Variants in RSRC1 observed in about 807,000 individuals in gnomAD.
RSRC1 encodes the protein arginine and serine rich coiled-coil 1.
RSRC1 carries 39 observed loss-of-function variants against 49.1 expected under a neutral mutation model. The observed-to-expected ratio is 0.79, with a 90% CI of 0.61 to 1.04. The LOEUF is 1.04. Ranked by LOEUF, RSRC1 falls within the 50% of genes least tolerant of loss-of-function variation. The pLI is 0.00. For missense variants in RSRC1, 388 were observed against 402.4 expected (o/e 0.96, Z 0.31); for synonymous variants, 143 against 130.8 (o/e 1.09, Z -0.63).
intron 5 of RSRC1, among the ~76,000 whole-genome samples, chr3:158,345,718 AGATCAATG>A (rs1329427738): frequency 6.6e-6 from 1 of 151,666 alleles, no homozygotes; most frequent in Non-Finnish European, 1.5e-5. Context: ...ATTGACAAAT[AGATCAATG>A]GATCATAATT....
intron 4 of RSRC1, among the ~76,000 whole-genome samples, chr3:158,289,794 G>T (rs1476911282): frequency 2.0e-5 from 3 of 152,152 alleles, no homozygotes; most frequent in Non-Finnish European, 4.4e-5. Context: ...TGCAAAAATA[G>T]AAATTATTTT....
chr3:158,449,443 G>A (rs1323992046), intron 6 of RSRC1, among the ~76,000 whole-genome samples: 1 of 151,868 alleles, frequency 6.6e-6, no homozygotes, highest in African/African-American at 2.4e-5. Context: ...TCTCTTTACT[G>A]CAGAATGTCT....
At chr3:158,420,280 T>C (rs1437655121) in intron 6 of RSRC1, among the ~76,000 whole-genome samples, 1 of 151,992 alleles carries the variant, frequency 6.6e-6, no homozygotes, top group Non-Finnish European at 1.5e-5. Context: ...TGTGGCACTC[T>C]TAATGAATAA....
chr3:158,235,853 C>A (rs1723211792), intron 4 of RSRC1, among the ~76,000 whole-genome samples: 1 of 152,194 alleles, frequency 6.6e-6, no homozygotes, highest in Non-Finnish European at 1.5e-5. Flanking sequence ...GGCGGTGGCT[C>A]ATGCCTATCA....
intron 6 of RSRC1, among the ~76,000 whole-genome samples, chr3:158,402,986 T>A (rs924895540): frequency 1.1e-5 from 1 of 94,116 alleles, no homozygotes; most frequent in South Asian, 4.0e-4. Context: ...TATAACAAAA[T>A]AAAACCTAAA....
intron 3 of RSRC1, among the ~76,000 whole-genome samples, chr3:158,194,739 A>G (rs1292013240): frequency 3.4e-5 from 5 of 144,992 alleles, no homozygotes; most frequent in African/African-American, 1.0e-4. Context: ...GAGTAAGAAC[A>G]TGTGCTGTTT....
At chr3:158,436,656 C>T (rs538291328) in intron 6 of RSRC1, among the ~76,000 whole-genome samples, 5 of 151,674 alleles carry the variant, frequency 3.3e-5, no homozygotes, top group Non-Finnish European at 7.4e-5. Flanking sequence ...TTTAAGTGTA[C>T]AAATTATATC....
chr3:158,465,503 AAGG>A (rs1351785377), intron 7 of RSRC1, among the ~76,000 whole-genome samples: 7 of 152,144 alleles, frequency 4.6e-5, no homozygotes, highest in Non-Finnish European at 8.8e-5. Flanking sequence ...GTGAAGTTGA[AAGG>A]AGAAGTTAGC....
intron 6 of RSRC1, among the ~76,000 whole-genome samples, chr3:158,393,273 C>T (rs961305279): frequency 2.6e-5 from 4 of 151,590 alleles, no homozygotes; most frequent in South Asian, 2.1e-4. Flanking sequence ...AAAACAAGAG[C>T]GAATCAATCC....
In RSRC1 at chr3:158,255,500, AT is replaced by A. The variant is rs1361339957; in HGVS notation, c.495-42538del. On this transcript the variant is annotated intron_variant, in intron 4 of 9. Transcript: ENST00000611884. ...GTATAGTTTGAAGTCAGGTAGCATG[AT>A]GCCTCCAGCTTTGTTCTTTTGGCTT... Among the ~76,000 whole-genome samples, 4 of 152,172 alleles carry A rather than the reference AT, an allele frequency of 2.6e-5. 1 individual carries two copies. Among genetic ancestry groups the A allele is most frequent in the African/African-American group, 9.7e-5 (4 of 41,442 alleles).
At position 158,354,848 on chromosome 3, in the gene RSRC1, C is replaced by CT; in HGVS notation, c.532-3dup. 6.9e-7 allele frequency: 1 copy of CT among 1,454,578 alleles called. No individual in the cohort carries two copies. Among genetic ancestry groups the CT allele is most frequent in the East Asian group, 2.7e-5 (1 of 36,944 alleles). The allele number at this position is 1,454,578 out of a possible 1,614,324, so 90.1% of individuals were successfully genotyped here. A position where few individuals can be genotyped will look rare whatever the true frequency, so the allele number is the denominator to read the frequency against. On this transcript the variant is annotated splice_polypyrimidine_tract_variant and intron_variant, in intron 5 of 9. Transcript: ENST00000611884. ...TGTATGGTTGAATTTTTTTTTTTTT[C>CT]TTTTTTAGCCACCAGCTGAACAGGC...
chr3:158,345,978 A>G (rs528788289), intron 5 of RSRC1, among the ~76,000 whole-genome samples: 1 of 152,088 alleles, frequency 6.6e-6, no homozygotes, highest in East Asian at 1.9e-4. Context: ...TACCCAAATA[A>G]AAAAGGTTTT....
chr3:158,496,790 G>GT, intron 7 of RSRC1: 2 of 241,724 alleles, frequency 8.3e-6, no homozygotes, highest in Admixed American at 7.4e-5. Context: ...GTTGATGACC[G>GT]TAAGAAACTA....
chr3:158,542,417 C>T lies in RSRC1; in HGVS notation c.760-918C>T, dbSNP rs138590360. Among the ~76,000 whole-genome samples, 398 of 152,268 alleles carry T rather than the reference C, an allele frequency of 2.6e-3. 1 individual carries two copies. Among genetic ancestry groups the T allele is most frequent in the African/African-American group, 9.3e-3 (385 of 41,526 alleles). On this transcript the variant is annotated intron_variant, in intron 8 of 9. Transcript: ENST00000611884. ...GTGCATGGTGGTGTGCACCTGTAAT[C>T]CCAGATACTCGGGAGGCTGAAGCAG...
At chr3:158,246,404 A>C (rs1245049714) in intron 4 of RSRC1, among the ~76,000 whole-genome samples, 1 of 151,944 alleles carries the variant, frequency 6.6e-6, no homozygotes, top group Non-Finnish European at 1.5e-5. Context: ...TAATAAAAAA[A>C]AAAAGGATAG....
chr3:158,519,969 A>G (rs753609552), intron 7 of RSRC1, among the ~76,000 whole-genome samples: 1 of 152,136 alleles, frequency 6.6e-6, no homozygotes, highest in Non-Finnish European at 1.5e-5. Flanking sequence ...CCAGAAGTGT[A>G]TGATGTCATG....
At position 158,414,121 on chromosome 3, in the gene RSRC1, T is replaced by G. The variant is rs539767813; in HGVS notation, c.584-46814T>G. On this transcript the variant is annotated intron_variant, in intron 6 of 9. Transcript: ENST00000611884. ...CACATGTATGTTCATGGCAGCACTA[T>G]TCACTGTAGCAAAGACATGGAATCA... Among the ~76,000 whole-genome samples the G allele has an allele frequency of 3.0e-4, 45 of 152,286 alleles. 1 individual carries two copies. The South Asian group carries it at 8.9e-3, about 30-fold the overall frequency.
intron 6 of RSRC1, among the ~76,000 whole-genome samples, chr3:158,404,035 A>G (rs1165777096): frequency 2.0e-5 from 3 of 151,928 alleles, no homozygotes; most frequent in African/African-American, 7.2e-5. Flanking sequence ...GATAATTCAT[A>G]CTGTAAACAT....
chr3:158,425,959 T>C (rs1425256799), intron 6 of RSRC1, among the ~76,000 whole-genome samples: 1 of 151,716 alleles, frequency 6.6e-6, no homozygotes, highest in African/African-American at 2.4e-5. Flanking sequence ...GTGTCATCAA[T>C]AGGAAGCAAT....
Sources: allele counts gnomAD v4.1 joint callset (sites outside exome capture counted in the v4.1 genomes callset), GRCh38; gene constraint gnomAD v4.1.1; transcripts MANE v1.5; gene names NCBI Gene and HGNC (gene_info 2026-07-23, HGNC 2026-07-21).